The following RIMS2 variants were observed in gnomAD, a reference collection of about 807,000 sequenced individuals.
The protein encoded by RIMS2 is regulating synaptic membrane exocytosis 2, also known as regulating synaptic membrane exocytosis protein 2.
A neutral mutation model predicts 174.4 loss-of-function variants in RIMS2; 59 were observed. The ratio of observed to expected loss-of-function variants is 0.34; its 90% CI spans 0.27 to 0.42. The LOEUF (loss-of-function observed/expected upper bound fraction) is 0.42. Among genes scored for constraint, RIMS2 ranks in the 10% least tolerant of loss-of-function variants. The pLI, the probability that RIMS2 is intolerant of heterozygous loss-of-function variation, is 1.00. For synonymous variants in RIMS2, 606 were observed against 572.5 expected (o/e 1.06, Z -0.84); for missense variants, 1,620 against 1,666.3 (o/e 0.97, Z 0.48).
chr8:103,776,168 G>C lies in RIMS2; in HGVS notation c.698+9631G>C, dbSNP rs114911576. Among the ~76,000 whole-genome samples the C allele has an allele frequency of 3.7e-3, 568 of 152,254 alleles. 10 individuals carry two copies. Among genetic ancestry groups the C allele is most frequent in the African/African-American group, 0.013 (542 of 41,564 alleles). ...TCATCCTGTGTGGGATGCATGTATG[G>C]TGAAGGGTTCTCAACTGAAATATAA... On this transcript the variant is annotated intron_variant, in intron 3 of 23. Transcript: ENST00000504942.
intron 19 of RIMS2, among the ~76,000 whole-genome samples, chr8:104,095,133 A>G (rs1023644662): frequency 5.9e-5 from 9 of 152,204 alleles, no homozygotes; most frequent in African/African-American, 2.2e-4. Flanking sequence ...GTTCTTTAAA[A>G]TTAACTTCTG....
In RIMS2 at chr8:103,580,974, C is replaced by T. The variant is rs925020830; in HGVS notation, c.176+79912C>T. On this transcript the variant is annotated intron_variant, in intron 1 of 23. Transcript: ENST00000504942. The stretch of plus-strand genomic sequence containing the variant: ...CCTCCCGGGTAGCTGGGACTACAGG[C>T]GCCCGCCACCACGTCCAGCTAATTT... 2.8e-4 allele frequency among the ~76,000 whole-genome samples: 43 copies of T among 151,816 alleles called. 2 individuals carry two copies. The South Asian group carries it at 4.2e-3, about 15-fold the overall frequency.
rs144462957 is a variant in RIMS2, at chr8:104,175,714, G to T, written c.3335-69202G>T. 1.2e-3 allele frequency among the ~76,000 whole-genome samples: 188 copies of T among 152,202 alleles called. 1 individual carries two copies. Among genetic ancestry groups the T allele is most frequent in the African/African-American group, 4.4e-3 (181 of 41,536 alleles). On this transcript the variant is annotated intron_variant, in intron 19 of 23. Coordinates refer to ENST00000504942, the Ensembl canonical transcript of RIMS2. ...TGAAGAACAGAGACTAAAAGAGAAA[G>T]AACAAGTAAAGAAAAGTGTATCATG...
intron 2 of RIMS2, among the ~76,000 whole-genome samples, chr8:103,711,352 A>G (rs1373228967): frequency 6.6e-6 from 1 of 152,214 alleles, no homozygotes; most frequent in African/African-American, 2.4e-5. Flanking sequence ...TATTTCATTC[A>G]GGCAACAGAT....
chr8:103,935,781 A>C (rs929760246), intron 12 of RIMS2, among the ~76,000 whole-genome samples: 3 of 152,192 alleles, frequency 2.0e-5, no homozygotes, highest in Non-Finnish European at 4.4e-5. Context: ...GAAATATTTG[A>C]ATGTTTAAAA....
intron 19 of RIMS2, among the ~76,000 whole-genome samples, chr8:104,088,285 A>G (rs1225942577): frequency 6.6e-6 from 1 of 152,024 alleles, no homozygotes; most frequent in Non-Finnish European, 1.5e-5. Flanking sequence ...ACATGAAATA[A>G]AAACAGGATG....
chr8:103,952,879 G>A lies in RIMS2; in HGVS notation c.2702-8186G>A, dbSNP rs561441384. ...TAAGAACCTTGAAAAAAGGTTAGAC[G>A]AATTGCTAACTAGAATAACCAGTTT... On this transcript the variant is annotated intron_variant, in intron 14 of 23. Transcript: ENST00000504942. 2.6e-4 allele frequency among the ~76,000 whole-genome samples: 40 copies of A among 152,188 alleles called. No homozygotes were observed. The South Asian group carries it at 7.7e-3, about 29-fold the overall frequency.
intron 19 of RIMS2, among the ~76,000 whole-genome samples, chr8:104,110,893 A>G (rs986733156): frequency 6.6e-6 from 1 of 152,196 alleles, no homozygotes; most frequent in African/African-American, 2.4e-5. Flanking sequence ...TTTATAGTGG[A>G]ACTATTTTAG....
In RIMS2 at chr8:103,502,539, A is replaced by C. The variant is rs146301859; in HGVS notation, c.176+1477A>C. 2.3e-3 allele frequency among the ~76,000 whole-genome samples: 356 copies of C among 152,282 alleles called. 2 individuals carry two copies. Among genetic ancestry groups the C allele is most frequent in the African/African-American group, 8.1e-3 (338 of 41,584 alleles). The stretch of plus-strand genomic sequence containing the variant: ...TGTTATTTATTAACAGCCTTCAGAT[A>C]TGAAGAAATTAAGAGACTTAAGCAG... On this transcript the variant is annotated intron_variant, in intron 1 of 23. Coordinates refer to ENST00000504942, the Ensembl canonical transcript of RIMS2.
chr8:103,870,862 A>T (rs891777980), intron 3 of RIMS2, among the ~76,000 whole-genome samples: 1 of 152,194 alleles, frequency 6.6e-6, no homozygotes, highest in Non-Finnish European at 1.5e-5. Context: ...TAACCATAGG[A>T]TTACAACCAG....
At chr8:103,836,719 A>C (rs941612818) in intron 3 of RIMS2, among the ~76,000 whole-genome samples, 3 of 152,264 alleles carry the variant, frequency 2.0e-5, no homozygotes, top group African/African-American at 7.2e-5. Flanking sequence ...CCTTTTCTAG[A>C]GAAGTTGAAC....
intron 19 of RIMS2, among the ~76,000 whole-genome samples, chr8:104,227,897 C>G (rs952416397): frequency 1.3e-5 from 2 of 151,918 alleles, no homozygotes; most frequent in Admixed American, 1.3e-4. Context: ...TTTAAAATCA[C>G]CAGAAAACTG....
chr8:104,187,905 A>G (rs1447073), intron 19 of RIMS2, among the ~76,000 whole-genome samples: 104,805 of 151,390 alleles, frequency 0.69, 36,776 homozygotes, highest in East Asian at 0.95. Flanking sequence ...TTTCAAGAGA[A>G]GAGTTTTTTT....
At chr8:103,818,739 TCAA>T (rs1405227995) in intron 3 of RIMS2, among the ~76,000 whole-genome samples, 2 of 152,150 alleles carry the variant, frequency 1.3e-5, no homozygotes, top group African/African-American at 4.8e-5. Flanking sequence ...AGGACCAGAT[TCAA>T]CATTATCCAC....
intron 1 of RIMS2, among the ~76,000 whole-genome samples, chr8:103,536,597 A>C (rs1048920537): frequency 1.2e-4 from 18 of 152,114 alleles, no homozygotes; most frequent in African/African-American, 4.3e-4. Flanking sequence ...GTGGAAGGTG[A>C]GGGGGAAGCA....
At chr8:103,851,003 G>A (rs1399389991) in intron 3 of RIMS2, among the ~76,000 whole-genome samples, 6 of 151,932 alleles carry the variant, frequency 3.9e-5, no homozygotes, top group Admixed American at 1.3e-4. Flanking sequence ...CTTTGTTGGA[G>A]TTTTGGAAAA....
chr8:104,112,178 A>T lies in RIMS2; in HGVS notation c.3334+97563A>T, dbSNP rs1338999071. 2.0e-5 allele frequency among the ~76,000 whole-genome samples: 3 copies of T among 152,188 alleles called. No individual in the cohort carries two copies. The East Asian group carries it at 5.8e-4, about 29-fold the overall frequency. ...TTGTCAAATAAAATATTCAAGGTCA[A>T]TCAATGTAATAACGAGTGAATGTTA... On this transcript the variant is annotated intron_variant, in intron 19 of 23. Coordinates refer to ENST00000504942, the Ensembl canonical transcript of RIMS2.
chr8:103,767,291 G>A (rs1025157174), intron 3 of RIMS2, among the ~76,000 whole-genome samples: 7 of 151,438 alleles, frequency 4.6e-5, no homozygotes, highest in African/African-American at 9.7e-5. Flanking sequence ...AGGTTCAAGC[G>A]ATTCCCCTGC....
chr8:104,010,031 C>T (rs56244144), intron 17 of RIMS2, among the ~76,000 whole-genome samples: 18,513 of 150,562 alleles, frequency 0.12, 1,574 homozygotes, highest in Non-Finnish European at 0.19. Context: ...GATGGACGGA[C>T]GGACGGATGA....
Sources: gnomAD v4.1 joint callset for allele counts (sites outside exome capture counted in the v4.1 genomes callset) on GRCh38, gnomAD v4.1.1 for gene constraint, MANE v1.5 for transcripts, NCBI Gene and HGNC (gene_info 2026-07-23, HGNC 2026-07-21) for gene names.